The following MSH3 variants were observed in gnomAD, a reference collection of about 807,000 sequenced individuals.
MSH3 encodes mutS homolog 3.
A neutral mutation model predicts 123.3 loss-of-function variants in MSH3; 106 were observed. The observed-to-expected ratio is 0.86, with a 90% CI of 0.73 to 1.01. The LOEUF (loss-of-function observed/expected upper bound fraction) is 1.01. MSH3 is among the 50% of genes least tolerant of loss of function. MSH3 has a pLI of 0.00. For missense variants in MSH3, 1,459 were observed against 1,347.6 expected, an observed-to-expected ratio of 1.08 and a Z score of -1.29; for synonymous variants, 515 against 481.4, an observed-to-expected ratio of 1.07 and a Z score of -0.91.
chr5:80,701,903 C>T (rs1303083916), intron 8 of MSH3, among the ~76,000 whole-genome samples: 2 of 151,860 alleles, frequency 1.3e-5, no homozygotes, highest in Non-Finnish European at 2.9e-5. Context: ...AACCTCTGGC[C>T]CAAGTCTTGA....
At chr5:80,719,335 T>C (rs909963953) in intron 8 of MSH3, among the ~76,000 whole-genome samples, 2 of 152,176 alleles carry the variant, frequency 1.3e-5, no homozygotes, top group African/African-American at 4.8e-5. Flanking sequence ...CATGAGCCAC[T>C]GTACCCGGCC....
chr5:80,687,219 T>A (rs896076456), intron 8 of MSH3, among the ~76,000 whole-genome samples: 1 of 152,340 alleles, frequency 6.6e-6, no homozygotes, highest in African/African-American at 2.4e-5. Context: ...GGAATCAGTC[T>A]TACTATCTTG....
intron 2 of MSH3, among the ~76,000 whole-genome samples, chr5:80,662,120 A>G (rs1327239451): frequency 6.6e-6 from 1 of 152,190 alleles, no homozygotes; most frequent in African/African-American, 2.4e-5. Flanking sequence ...TTGCTGTACC[A>G]TTTCTATGTT....
chr5:80,728,068 G>T (rs1163913785), intron 9 of MSH3, among the ~76,000 whole-genome samples: 2 of 152,176 alleles, frequency 1.3e-5, no homozygotes, highest in African/African-American at 4.8e-5. Flanking sequence ...GAGAACATTA[G>T]GTGAGCTCAG....
At chr5:80,786,008 G>T (rs565922556) in intron 17 of MSH3, among the ~76,000 whole-genome samples, 1 of 151,646 alleles carries the variant, frequency 6.6e-6, no homozygotes. Flanking sequence ...GGGGGAAGGG[G>T]GGAGGGATAA....
At position 80,654,881 on chromosome 5, in the gene MSH3, GC is replaced by G. The variant is rs748032478; in HGVS notation, c.155del (p.Ala52GlufsTer28). 2 of 850,362 alleles carry G rather than the reference GC, an allele frequency of 2.4e-6. No homozygotes were observed. The highest frequency in any genetic ancestry group is 5.0e-5 in the South Asian group (2 of 39,670). 52.7% of individuals were successfully genotyped at this position (850,362 alleles called of 1,614,324 possible). On this transcript the variant is annotated frameshift_variant, in exon 1 of 24. Transcript: ENST00000265081. LOFTEE classifies it high-confidence loss of function. Reference sequence around the variant, plus strand: ...AGCCGACCAGGTGGACCCTGGCGCTGCAGCGGCTGCAGCGGCCGCAGCGGCC... The same window carrying G: ...AGCCGACCAGGTGGACCCTGGCGCTGAGCGGCTGCAGCGGCCGCAGCGGCC... The part of the protein sequence containing the change: ...GAADQVDPGA[A>X]AAAAAAAAAA...
In MSH3 at chr5:80,860,729, A is replaced by C. The variant is rs547118701; in HGVS notation, c.3001-4084A>C. 6.6e-5 allele frequency among the ~76,000 whole-genome samples: 10 copies of C among 151,948 alleles called. No individual in the cohort carries two copies. In the East Asian group the frequency reaches 1.9e-3, roughly 29 times the overall value. ...CTGACATTACTTTGGGGAAATTCTC[A>C]GTCATTATTGTTTTAAGTATTTCTT... On this transcript the variant is annotated intron_variant, in intron 21 of 23. Coordinates refer to ENST00000265081, the MANE Select transcript of MSH3 (RefSeq NM_002439.5).
At chr5:80,839,095 G>A (rs1351572484) in intron 20 of MSH3, among the ~76,000 whole-genome samples, 3 of 152,106 alleles carry the variant, frequency 2.0e-5, no homozygotes, top group African/African-American at 7.2e-5. Flanking sequence ...GGCTGGGTGC[G>A]GTGGCTCAAA....
intron 8 of MSH3, among the ~76,000 whole-genome samples, chr5:80,690,898 T>C (rs1370940280): frequency 6.6e-6 from 1 of 152,140 alleles, no homozygotes; most frequent in Non-Finnish European, 1.5e-5. Flanking sequence ...AATTCCTTTT[T>C]TTCAGTTTTA....
chr5:80,679,060 CAG>C lies in MSH3; in HGVS notation c.1310_1311del (p.Glu437GlyfsTer10), dbSNP rs757194485. On this transcript the variant is annotated frameshift_variant, in exon 8 of 24. Transcript: ENST00000265081. LOFTEE classifies it high-confidence loss of function. ...CTTCCTTCGGCCTTGTCCGAGCAAA[CAG>C]AGGCGCTCATCCACAGAGCCACATC... The C allele has an allele frequency of 2.4e-5, 39 of 1,613,960 alleles. No individual in the cohort carries two copies. The highest frequency in any genetic ancestry group is 1.8e-5 in the Non-Finnish European group (21 of 1,180,018).
chr5:80,809,946 G>A (rs1744976470), intron 19 of MSH3, among the ~76,000 whole-genome samples: 2 of 151,898 alleles, frequency 1.3e-5, no homozygotes, highest in South Asian at 4.1e-4. Flanking sequence ...ATATAAAACA[G>A]TATAACAGAC....
At chr5:80,658,828 T>A (rs1749357645) in intron 2 of MSH3, among the ~76,000 whole-genome samples, 1 of 152,002 alleles carries the variant, frequency 6.6e-6, no homozygotes, top group South Asian at 2.1e-4. Flanking sequence ...GAATTCCTGG[T>A]CCCAAGCCAT....
At chr5:80,766,389 A>G (rs1371052779) in intron 13 of MSH3, among the ~76,000 whole-genome samples, 1 of 119,020 alleles carries the variant, frequency 8.4e-6, no homozygotes, top group East Asian at 2.4e-4. Flanking sequence ...TCTGTTGCCC[A>G]GGCAGGAGTG....
At chr5:80,815,446 C>G (rs915174328) in intron 20 of MSH3, among the ~76,000 whole-genome samples, 2 of 151,826 alleles carry the variant, frequency 1.3e-5, no homozygotes, top group Non-Finnish European at 2.9e-5. Context: ...AATCTTGTTA[C>G]TGAGCCGAAT....
intron 17 of MSH3, among the ~76,000 whole-genome samples, chr5:80,781,358 C>A (rs893797796): frequency 6.6e-6 from 1 of 152,066 alleles, no homozygotes; most frequent in African/African-American, 2.4e-5. Flanking sequence ...TTTCATAGAT[C>A]TGGCTTCTAT....
Position 80,656,502 on chromosome 5 carries a change from G to T in MSH3, c.329G>T (p.Gly110Val), listed in dbSNP as rs987869162. ...KVKKVQQKEG[G>V]SDLGMSGNSE... The stretch of plus-strand genomic sequence containing the variant: ...AAGAAAGTCCAACAAAAGGAAGGAG[G>T]AAGTGATCTGGGAATGTCTGGCAAC... Residue 110 changes from glycine (G) to valine (V), a missense_variant, in exon 2 of 24, where the codon GGA (glycine) becomes GTA (valine). Transcript: ENST00000265081. 1.2e-6 allele frequency: 2 copies of T among 1,614,114 alleles called. No homozygotes were observed. The highest frequency in any genetic ancestry group is 1.7e-5 in the Admixed American group (1 of 60,016).
chr5:80,663,752 TTAAATA>T (rs1363025116), intron 2 of MSH3, among the ~76,000 whole-genome samples: 1 of 151,354 alleles, frequency 6.6e-6, no homozygotes, highest in African/African-American at 2.4e-5. Flanking sequence ...GTGAAGAGGT[TTAAATA>T]TAAATAGGGA....
At chr5:80,728,310 T>C (rs1417141810) in intron 9 of MSH3, among the ~76,000 whole-genome samples, 1 of 152,226 alleles carries the variant, frequency 6.6e-6, no homozygotes, top group Non-Finnish European at 1.5e-5. Flanking sequence ...GACATGAAAT[T>C]GATCAGACAA....
In MSH3 at chr5:80,778,853, A is replaced by C; in HGVS notation, c.2435+17A>C. 7.3e-7 allele frequency: 1 copy of C among 1,361,622 alleles called. No homozygotes were observed. The highest frequency in any genetic ancestry group is 1.1e-6 in the Non-Finnish European group (1 of 949,472). The allele number at this position is 1,361,622 out of a possible 1,614,324, so 84.3% of individuals were successfully genotyped here. ...TTTTCTAGAGTGAGTTTACAATGAA[A>C]AAATATAATCTGACTTTTTGCTATC... On this transcript the variant is annotated intron_variant, in intron 17 of 23. Coordinates refer to ENST00000265081, the MANE Select transcript of MSH3 (RefSeq NM_002439.5).
Sources: gnomAD v4.1 joint callset for allele counts (sites outside exome capture counted in the v4.1 genomes callset) on GRCh38, gnomAD v4.1.1 for gene constraint, MANE v1.5 for transcripts, NCBI Gene and HGNC (gene_info 2026-07-23, HGNC 2026-07-21) for gene names.